Variants in F2RL3 observed in about 807,000 individuals in gnomAD.
The protein encoded by F2RL3 is proteinase-activated receptor 4.
In F2RL3, 3 loss-of-function variants were observed where a neutral mutation model predicts 4.9. That is an observed-to-expected ratio of 0.61 (90% CI 0.28 to 1.58). The LOEUF (loss-of-function observed/expected upper bound fraction) is 1.58, where lower values mean the gene tolerates loss of function less well. F2RL3 is among the 40% of genes most tolerant of loss of function. The pLI is 0.11. For synonymous variants in F2RL3, 284 were observed against 278.4 expected (o/e 1.02, Z -0.20); for missense variants, 564 against 550.4 (o/e 1.02, Z -0.25).
chr19:16,889,651 T>A lies in F2RL3; in HGVS notation c.188T>A (p.Leu63His). 1 of 1,610,178 alleles carries A rather than the reference T, an allele frequency of 6.2e-7. No individual in the cohort carries two copies. Among genetic ancestry groups the A allele is most frequent in the Non-Finnish European group, 8.5e-7 (1 of 1,179,314 alleles). ...GCCAATGACAGTGACACCCTGGAGC[T>A]CCCGGACAGCTCACGGGCACTGCTT... ...VCANDSDTLE[L>H]PDSSRALLLG... Residue 63 changes from leucine to histidine, a missense_variant, in exon 2 of 2, where the codon CTC (leucine) becomes CAC (histidine). By Grantham distance (99) the Leu-to-His change is moderately conservative. Transcript: ENST00000248076.
Sources: gnomAD v4.1 joint callset for allele counts on GRCh38, gnomAD v4.1.1 for gene constraint, MANE v1.5 for transcripts, NCBI Gene and HGNC (gene_info 2026-07-23, HGNC 2026-07-21) for gene names.